The following GPC5 variants were observed in gnomAD, a reference collection of about 807,000 sequenced individuals.
The protein encoded by GPC5 is glypican 5.
Under a neutral mutation model 53.9 loss-of-function variants are expected in GPC5, and 47 were observed. That is an observed-to-expected ratio of 0.87 (90% CI 0.69 to 1.11). The LOEUF (loss-of-function observed/expected upper bound fraction) is 1.11, where lower values mean the gene tolerates loss of function less well. Among genes scored for constraint, GPC5 ranks in the 50% most tolerant of loss-of-function variants. The pLI, the probability that GPC5 is intolerant of heterozygous loss-of-function variation, is 0.00. For missense variants in GPC5, 748 were observed against 713.1 expected (o/e 1.05, Z -0.56); for synonymous variants, 286 against 263.3 (o/e 1.09, Z -0.84).
intron 5 of GPC5, among the ~76,000 whole-genome samples, chr13:91,859,008 T>C (rs1319370762): frequency 6.8e-6 from 1 of 146,694 alleles, no homozygotes; most frequent in African/African-American, 2.5e-5. Flanking sequence ...GTCACCTTTT[T>C]CATCTCTGAT....
chr13:91,620,430 T>G (rs989544171), intron 2 of GPC5, among the ~76,000 whole-genome samples: 1 of 151,944 alleles, frequency 6.6e-6, no homozygotes, highest in African/African-American at 2.4e-5. Flanking sequence ...TGGCTGAGAG[T>G]TTTGATAAAA....
intron 6 of GPC5, among the ~76,000 whole-genome samples, chr13:92,102,508 G>T (rs2041475276): frequency 6.6e-6 from 1 of 152,102 alleles, no homozygotes; most frequent in South Asian, 2.1e-4. Context: ...ATGTGACTCA[G>T]AATAAGACAA....
intron 7 of GPC5, among the ~76,000 whole-genome samples, chr13:92,792,722 AG>A (rs1451248595): frequency 6.6e-6 from 1 of 152,196 alleles, no homozygotes; most frequent in Non-Finnish European, 1.5e-5. Flanking sequence ...CAAAAAAAGC[AG>A]GGGTTGCAAT....
chr13:92,547,207 T>A (rs900141199), intron 7 of GPC5, among the ~76,000 whole-genome samples: 3 of 152,172 alleles, frequency 2.0e-5, no homozygotes, highest in African/African-American at 7.2e-5. Flanking sequence ...TTAATGTTAG[T>A]GAAAATGAAT....
intron 7 of GPC5, among the ~76,000 whole-genome samples, chr13:92,494,698 G>A (rs1374896029): frequency 1.3e-5 from 2 of 151,980 alleles, no homozygotes; most frequent in Non-Finnish European, 2.9e-5. Flanking sequence ...TGACTTTATA[G>A]GGAATGCCTG....
intron 1 of GPC5, among the ~76,000 whole-genome samples, chr13:91,436,613 G>T (rs1440865511): frequency 6.6e-6 from 1 of 152,068 alleles, no homozygotes; most frequent in Non-Finnish European, 1.5e-5. Context: ...CCAACTATGT[G>T]GTCAATTTTG....
intron 6 of GPC5, among the ~76,000 whole-genome samples, chr13:92,072,277 T>C (rs2138867250): frequency 6.6e-6 from 1 of 151,066 alleles, no homozygotes; most frequent in Admixed American, 6.6e-5. Context: ...TTATTATTAT[T>C]ATTTTTTGAG....
intron 6 of GPC5, among the ~76,000 whole-genome samples, chr13:91,917,676 G>A (rs1342147626): frequency 6.6e-6 from 1 of 152,194 alleles, no homozygotes; most frequent in Non-Finnish European, 1.5e-5. Flanking sequence ...ATGTTCCACA[G>A]ATCTCTAGGG....
intron 5 of GPC5, among the ~76,000 whole-genome samples, chr13:91,898,631 T>C (rs1289174128): frequency 6.6e-6 from 1 of 152,004 alleles, no homozygotes; most frequent in Non-Finnish European, 1.5e-5. Context: ...CTAGATGACC[T>C]CTAAGATCCT....
At chr13:92,184,187 C>T (rs1593971936) in intron 7 of GPC5, among the ~76,000 whole-genome samples, 2 of 152,004 alleles carry the variant, frequency 1.3e-5, no homozygotes, top group Non-Finnish European at 1.5e-5. Flanking sequence ...GTATGAGATA[C>T]CATATAATGA....
chr13:92,626,547 G>A (rs1254590928), intron 7 of GPC5, among the ~76,000 whole-genome samples: 1 of 152,150 alleles, frequency 6.6e-6, no homozygotes, highest in East Asian at 1.9e-4. Flanking sequence ...GTCTTATGGA[G>A]GCCTCATTGC....
At chr13:92,320,880 A>G (rs1363438302) in intron 7 of GPC5, among the ~76,000 whole-genome samples, 6 of 152,222 alleles carry the variant, frequency 3.9e-5, no homozygotes, top group East Asian at 1.9e-4. Flanking sequence ...TTAAAAATCA[A>G]TAATGATCTA....
Position 91,972,668 on chromosome 13 carries a change from A to G in GPC5, c.1401+64611A>G, listed in dbSNP as rs1234075165. On this transcript the variant is annotated intron_variant, in intron 6 of 7. Coordinates refer to ENST00000377067, the MANE Select transcript of GPC5 (RefSeq NM_004466.6). ...CTCTTTTAGGGCAGGCCTGGTGGTG[A>G]CAAAATCTCTCAGCATTTGCTTGTC... 3.1e-3 allele frequency among the ~76,000 whole-genome samples: 470 copies of G among 150,924 alleles called. 2 individuals are homozygous for G. The highest frequency in any genetic ancestry group is 0.011 in the African/African-American group (448 of 41,052).
chr13:91,882,670 G>GTTTTTTTTTTTTTTTTTTTTTTTTT, intron 5 of GPC5, among the ~76,000 whole-genome samples: 3 of 59,334 alleles, frequency 5.1e-5, no homozygotes, highest in African/African-American at 2.1e-4. Flanking sequence ...TGTTTTTTGG[G>GTTTTTTTTTTTTTTTTTTTTTTTTT]TTTTTTTTTT....
chr13:91,611,166 G>A (rs1484410630), intron 2 of GPC5, among the ~76,000 whole-genome samples: 3 of 152,172 alleles, frequency 2.0e-5, no homozygotes. Flanking sequence ...TTAAATGATA[G>A]CCTAAAGATT....
At chr13:91,703,709 T>G (rs1369753110) in intron 3 of GPC5, among the ~76,000 whole-genome samples, 1 of 152,190 alleles carries the variant, frequency 6.6e-6, no homozygotes, top group African/African-American at 2.4e-5. Flanking sequence ...TTAAAGAGCT[T>G]GAGAAGGATT....
At chr13:92,001,013 G>T (rs1421463757) in intron 6 of GPC5, among the ~76,000 whole-genome samples, 1 of 152,110 alleles carries the variant, frequency 6.6e-6, no homozygotes, top group African/African-American at 2.4e-5. Flanking sequence ...ACCATTCCTG[G>T]CTCAGTGCCT....
chr13:91,435,071 C>T (rs1879809783), intron 1 of GPC5, among the ~76,000 whole-genome samples: 2 of 152,158 alleles, frequency 1.3e-5, no homozygotes, highest in African/African-American at 4.8e-5. Flanking sequence ...TGCCTATCAG[C>T]TTAAGGAGAT....
At chr13:92,189,618 G>C (rs906429458) in intron 7 of GPC5, among the ~76,000 whole-genome samples, 4 of 151,988 alleles carry the variant, frequency 2.6e-5, no homozygotes, top group Non-Finnish European at 4.4e-5. Flanking sequence ...AAAGTTTCAA[G>C]AGACTGAACG....
Sources: allele counts gnomAD v4.1 joint callset (sites outside exome capture counted in the v4.1 genomes callset), GRCh38; gene constraint gnomAD v4.1.1; transcripts MANE v1.5; gene names NCBI Gene and HGNC (gene_info 2026-07-23, HGNC 2026-07-21).